EDA2R: variants seen among roughly 807,000 people sequenced by gnomAD.
EDA2R encodes the protein tumor necrosis factor receptor superfamily member 27.
Under a neutral mutation model 20.1 loss-of-function variants are expected in EDA2R, and 26 were observed. The observed-to-expected ratio is 1.30, with a 90% CI of 0.95 to 1.80. EDA2R has a LOEUF of 1.80. Among genes scored for constraint, EDA2R ranks in the 40% most tolerant of loss-of-function variants. The pLI is 0.00. For synonymous variants in EDA2R, 114 were observed against 88.7 expected (o/e 1.29, Z -1.60); for missense variants, 277 against 228.7 (o/e 1.21, Z -1.36).
intron 4 of EDA2R, among the ~76,000 whole-genome samples, chrX:66,603,979 C>G (rs1013716863): frequency 8.9e-6 from 1 of 111,746 alleles, no homozygotes; most frequent in South Asian, 3.7e-4. Context: ...AAAAGATAGA[C>G]GATTAGATAA....
chrX:66,597,877 A>C lies in EDA2R; in HGVS notation c.*227T>G. Reference sequence around the variant, plus strand: ...TGTCTGGTAGTCCCATGAATGTGGAATCTGGCTCCCCAGACTACAAAAGGG... The same window carrying C: ...TGTCTGGTAGTCCCATGAATGTGGACTCTGGCTCCCCAGACTACAAAAGGG... On this transcript the variant is annotated 3_prime_UTR_variant, in exon 7 of 7. Coordinates refer to ENST00000374719, the MANE Select transcript of EDA2R (RefSeq NM_021783.5). The C allele has an allele frequency of 3.7e-6, 1 of 267,691 alleles. No homozygotes were observed. 22.1% of individuals were successfully genotyped at this position (267,691 alleles called of 1,213,427 possible). A position where few individuals can be genotyped will look rare whatever the true frequency, so the allele number is the denominator to read the frequency against.
At chrX:66,604,341 A>T in intron 4 of EDA2R, 80 bp downstream of exon 4, 1 of 871,411 alleles carries the variant, frequency 1.1e-6, no homozygotes, top group South Asian at 2.8e-5. Flanking sequence ...GTATGAGGGG[A>T]TATGGGTAGT....
At chrX:66,607,359 A>G in intron 2 of EDA2R, among the ~76,000 whole-genome samples, 1 of 112,401 alleles carries the variant, frequency 8.9e-6, no homozygotes. Context: ...CAATGGCGAT[A>G]CATGACAAAA....
intron 2 of EDA2R, among the ~76,000 whole-genome samples, chrX:66,611,399 T>A (rs1353474591): frequency 8.9e-6 from 1 of 112,022 alleles, no homozygotes; most frequent in African/African-American, 3.2e-5. Flanking sequence ...GTTGGAATGA[T>A]TGAACAAGGA....
In EDA2R at chrX:66,605,209, C is replaced by G. The variant is rs1929448463; in HGVS notation, c.105G>C (p.Glu35Asp). The G allele has an allele frequency of 8.3e-7, 1 of 1,205,061 alleles. No individual in the cohort carries two copies. The highest frequency in any genetic ancestry group is 1.8e-5 in the South Asian group (1 of 55,623). Residue 35 changes from glutamate (E) to aspartate (D), a missense_variant, in exon 3 of 7, where the codon GAG (glutamate) becomes GAC (aspartate). Coordinates refer to ENST00000374719, the MANE Select transcript of EDA2R (RefSeq NM_021783.5). The part of the protein sequence containing the change: ...QELSKDCGYG[E>D]GGDAYCTACP... ...AGGCTGTGCAGTAGGCATCTCCACCCTCTCCATAACCACAATCCTGTAGAC... is the reference window on the plus strand; with the variant it reads ...AGGCTGTGCAGTAGGCATCTCCACCGTCTCCATAACCACAATCCTGTAGAC...
chrX:66,633,371 T>A (rs1038739048), intron 1 of EDA2R, among the ~76,000 whole-genome samples: 1 of 111,705 alleles, frequency 9.0e-6, no homozygotes, highest in South Asian at 3.7e-4. Flanking sequence ...AGAAATAGGA[T>A]GAAATTAAGA....
At chrX:66,620,193 T>A (rs776157107) in intron 1 of EDA2R, among the ~76,000 whole-genome samples, 3 of 112,464 alleles carry the variant, frequency 2.7e-5, no homozygotes, top group African/African-American at 6.5e-5. Flanking sequence ...TTAATTACTA[T>A]TGTTGTGTAG....
rs761062610 is a variant in EDA2R, at chrX:66,616,036, G to A, written c.-10-6C>T. The A allele has an allele frequency of 8.6e-7, 1 of 1,167,853 alleles. No individual in the cohort carries two copies. The highest frequency in any genetic ancestry group is 1.2e-6 in the Non-Finnish European group (1 of 856,674). ...GGCAATCCATGGTGGGAAGGCTGTG[G>A]GTAGAGAACACAAGAACTAGCAAGC... is the stretch of plus-strand genomic sequence containing the variant. On this transcript the variant is annotated splice_region_variant and splice_polypyrimidine_tract_variant and intron_variant, in intron 1 of 6. Coordinates refer to ENST00000374719, the MANE Select transcript of EDA2R (RefSeq NM_021783.5).
At position 66,627,801 on chromosome X, in the gene EDA2R, A is replaced by G. The variant is rs192289638; in HGVS notation, c.-11+11194T>C. On this transcript the variant is annotated intron_variant, in intron 1 of 6. Transcript: ENST00000374719. ...ATCAAGAGACAAAGTCAACAAAGAA[A>G]CAATAGATCTAACCTATACCGTGGA... Among the ~76,000 whole-genome samples, 3 of 111,951 alleles carry G rather than the reference A, an allele frequency of 2.7e-5. No individual in the cohort carries two copies. In the East Asian group the frequency reaches 8.4e-4, roughly 31 times the overall value.
Position 66,599,687 on chromosome X carries a change from G to C in EDA2R, c.691C>G (p.Gln231Glu). Residue 231 changes from glutamine to glutamate, a missense_variant, in exon 6 of 7, where the codon CAG becomes GAG. Coordinates refer to ENST00000374719, the MANE Select transcript of EDA2R (RefSeq NM_021783.5). Reference sequence around the variant, plus strand: ...CAGGAGGCCATGGTAAAGGACTCCTGTGTGGGGAAGCCACTAGTCGAGCTG... The same window carrying C: ...CAGGAGGCCATGGTAAAGGACTCCTCTGTGGGGAAGCCACTAGTCGAGCTG... ...DCSSTSGFPT[Q>E]ESFTMASCTS... The C allele has an allele frequency of 1.7e-6, 2 of 1,209,148 alleles. No individual in the cohort carries two copies. Among genetic ancestry groups the C allele is most frequent in the South Asian group, 1.8e-5 (1 of 56,215 alleles).
chrX:66,613,852 T>G (rs1212001215), intron 2 of EDA2R, among the ~76,000 whole-genome samples: 1 of 111,835 alleles, frequency 8.9e-6, no homozygotes, highest in Non-Finnish European at 1.9e-5. Flanking sequence ...TGAGTAAAAT[T>G]TAAAAGTAAA....
chrX:66,619,083 C>T (rs759165819), intron 1 of EDA2R, among the ~76,000 whole-genome samples: 1 of 111,422 alleles, frequency 9.0e-6, no homozygotes, highest in Non-Finnish European at 1.9e-5. Context: ...AAGGAGTGCA[C>T]ATTTGTCATT....
chrX:66,611,272 A>T (rs895679580), intron 2 of EDA2R, among the ~76,000 whole-genome samples: 1 of 111,555 alleles, frequency 9.0e-6, no homozygotes, highest in Non-Finnish European at 1.9e-5. Context: ...CTCCTGACAT[A>T]ATTGACAAAA....
intron 1 of EDA2R, among the ~76,000 whole-genome samples, chrX:66,626,708 C>G (rs1208513892): frequency 9.6e-6 from 1 of 104,092 alleles, no homozygotes; most frequent in Non-Finnish European, 1.9e-5. Flanking sequence ...TGCCTAGGCA[C>G]ATTGTCTTCA....
At chrX:66,629,583 C>T (rs1933505658) in intron 1 of EDA2R, among the ~76,000 whole-genome samples, 1 of 111,604 alleles carries the variant, frequency 9.0e-6, no homozygotes, top group Non-Finnish European at 1.9e-5. Flanking sequence ...AACTCAACCC[C>T]TTTTACAACA....
At chrX:66,600,398 G>A (rs141699440) in intron 5 of EDA2R, among the ~76,000 whole-genome samples, 154 of 111,726 alleles carry the variant, frequency 1.4e-3, no homozygotes, top group African/African-American at 4.7e-3. Flanking sequence ...AGGGGGCCAT[G>A]AGCCAAAGAA....
Position 66,628,416 on chromosome X carries a change from G to T in EDA2R, c.-11+10579C>A, listed in dbSNP as rs189933640. On this transcript the variant is annotated intron_variant, in intron 1 of 6. Transcript: ENST00000374719. ...AAACAAAAAGCTGGTTCTTTGAAAA[G>T]ACAAATAAAATTGATAGACCATTAG... 2.4e-4 allele frequency among the ~76,000 whole-genome samples: 27 copies of T among 110,676 alleles called. No homozygotes were observed. The South Asian group carries it at 9.6e-3, about 39-fold the overall frequency.
chrX:66,626,195 G>A (rs925173920), intron 1 of EDA2R, among the ~76,000 whole-genome samples: 1 of 112,081 alleles, frequency 8.9e-6, no homozygotes, highest in African/African-American at 3.2e-5. Context: ...AAGAATTCAG[G>A]AGATTAGTTA....
chrX:66,638,073 T>C (rs1934518632), intron 1 of EDA2R, among the ~76,000 whole-genome samples: 1 of 112,321 alleles, frequency 8.9e-6, no homozygotes, highest in African/African-American at 3.2e-5. Context: ...ATTTAACTTT[T>C]AAAACCTCTC....
Sources: gnomAD v4.1 joint callset for allele counts (sites outside exome capture counted in the v4.1 genomes callset) on GRCh38, gnomAD v4.1.1 for gene constraint, MANE v1.5 for transcripts, NCBI Gene and HGNC (gene_info 2026-07-23, HGNC 2026-07-21) for gene names.